HIBCH: variants seen among roughly 807,000 people sequenced by gnomAD.
HIBCH encodes the protein 3-hydroxyisobutyryl-CoA hydrolase, mitochondrial.
Under a neutral mutation model 58.2 loss-of-function variants are expected in HIBCH, and 50 were observed. That is an observed-to-expected ratio of 0.86 (90% CI 0.68 to 1.09). The LOEUF is 1.09. Among genes scored for constraint, HIBCH ranks in the 50% least tolerant of loss-of-function variants. HIBCH has a pLI of 0.00. For missense variants in HIBCH, 450 were observed against 449.7 expected, an observed-to-expected ratio of 1.00 and a Z score of -0.01; for synonymous variants, 151 against 146.9, an observed-to-expected ratio of 1.03 and a Z score of -0.20.
At position 190,224,063 on chromosome 2, in the gene HIBCH, G is replaced by A. The variant is rs189546070; in HGVS notation, c.892-10988C>T. On this transcript the variant is annotated intron_variant, in intron 11 of 13. Transcript: ENST00000359678. ...ATCAGGACACTCCCACCCTAACACT[G>A]CACTTTTCCAACGGTCTTAGCAAAC... is the stretch of plus-strand genomic sequence containing the variant. 6.2e-3 allele frequency among the ~76,000 whole-genome samples: 951 copies of A among 152,290 alleles called. 9 individuals are homozygous for A. Among genetic ancestry groups the A allele is most frequent in the African/African-American group, 0.022 (903 of 41,574 alleles).
chr2:190,268,530 T>G (rs895625707), intron 6 of HIBCH, among the ~76,000 whole-genome samples: 2 of 152,202 alleles, frequency 1.3e-5, no homozygotes, highest in East Asian at 3.8e-4. Context: ...CTTTACTTTT[T>G]AATTAAGAAA....
At chr2:190,256,456 A>AAAT (rs1559037282) in intron 7 of HIBCH, among the ~76,000 whole-genome samples, 3 of 150,818 alleles carry the variant, frequency 2.0e-5, no homozygotes, top group African/African-American at 2.4e-5. Context: ...AAAAAAAAAA[A>AAAT]AATAATAATA....
chr2:190,313,654 AAAAAAAAAAAG>A (rs1194120187), intron 1 of HIBCH, among the ~76,000 whole-genome samples: 2 of 148,264 alleles, frequency 1.3e-5, no homozygotes, highest in East Asian at 2.0e-4. Context: ...AAAAAAAAAA[AAAAAAAAAAAG>A]GAATCACCTG....
At chr2:190,253,562 G>A (rs559602358) in intron 7 of HIBCH, among the ~76,000 whole-genome samples, 3 of 151,996 alleles carry the variant, frequency 2.0e-5, no homozygotes, top group African/African-American at 4.8e-5. Context: ...ACACCTTCTC[G>A]CACCATCCCC....
chr2:190,307,027 T>C (rs372808918), intron 2 of HIBCH, among the ~76,000 whole-genome samples: 12 of 152,194 alleles, frequency 7.9e-5, no homozygotes, highest in African/African-American at 2.9e-4. Context: ...AATTTTGTTT[T>C]TTATAAGCTA....
chr2:190,272,244 T>C (rs1687419575), intron 6 of HIBCH, among the ~76,000 whole-genome samples: 1 of 152,200 alleles, frequency 6.6e-6, no homozygotes, highest in Non-Finnish European at 1.5e-5. Flanking sequence ...TTGTTCACTG[T>C]TTTATCACCA....
chr2:190,246,007 AAGG>A, intron 10 of HIBCH, 144 bp downstream of exon 10: 3 of 556,982 alleles, frequency 5.4e-6, no homozygotes, highest in African/African-American at 1.9e-5. Context: ...AAAAAAAAAA[AAGG>A]AAGGAAAGCT....
intron 11 of HIBCH, among the ~76,000 whole-genome samples, chr2:190,244,354 A>G (rs11894087): frequency 1.1e-3 from 172 of 152,310 alleles, no homozygotes; most frequent in African/African-American, 4.1e-3. Context: ...GTTAACAGTT[A>G]TGTGTCAAAA....
intron 11 of HIBCH, chr2:190,220,249 A>T (rs565016183): frequency 1.3e-5 from 2 of 152,306 alleles, no homozygotes; most frequent in Non-Finnish European, 2.9e-5. Flanking sequence ...GATACTTTTC[A>T]AGTTTATTGT....
chr2:190,199,929 G>C, downstream of HIBCH: 1 of 1,614,122 alleles, frequency 6.2e-7, no homozygotes, highest in Non-Finnish European at 8.5e-7. Context: ...AGCAGCATGA[G>C]AGTGAAGAAC....
intron 1 of HIBCH, among the ~76,000 whole-genome samples, chr2:190,196,101 G>A (rs1689963300): frequency 6.6e-6 from 1 of 151,832 alleles, no homozygotes; most frequent in Non-Finnish European, 1.5e-5. Context: ...TTTTTCACAT[G>A]GAAGGCTTTT....
intron 4 of HIBCH, among the ~76,000 whole-genome samples, chr2:190,294,022 G>GTGTATATATATATATATA (rs755751586): frequency 1.3e-4 from 11 of 83,008 alleles, no homozygotes; most frequent in Non-Finnish European, 2.1e-4. Context: ...TATTTTGTGT[G>GTGTATATATATATATATA]TATATATATA....
In HIBCH at chr2:190,310,746, T is replaced by C. The variant is rs373199454; in HGVS notation, c.78+8A>G. 1.7e-5 allele frequency: 27 copies of C among 1,602,178 alleles called. No homozygotes were observed. In the African/African-American group the frequency reaches 3.3e-4, roughly 20 times the overall value. Reference sequence around the variant, plus strand: ...AATAATGCCAGCAAAACAAACACAATAACTTACCAAATGGTGCAGTATGGT... The same window carrying C: ...AATAATGCCAGCAAAACAAACACAACAACTTACCAAATGGTGCAGTATGGT... On this transcript the variant is annotated splice_region_variant and intron_variant, in intron 2 of 13. Transcript: ENST00000359678.
chr2:190,225,034 G>A (rs1237308831), intron 11 of HIBCH, among the ~76,000 whole-genome samples: 2 of 152,186 alleles, frequency 1.3e-5, no homozygotes, highest in African/African-American at 2.4e-5. Flanking sequence ...GGTACATAAC[G>A]AAATGAAGGC....
At chr2:190,278,400 C>T (rs950592334) in intron 6 of HIBCH, among the ~76,000 whole-genome samples, 32 of 152,206 alleles carry the variant, frequency 2.1e-4, no homozygotes, top group Non-Finnish European at 4.0e-4. Flanking sequence ...GAGGGGATTT[C>T]GCCACGTTGG....
Position 190,261,177 on chromosome 2 carries a change from C to T in HIBCH, c.496G>A (p.Ala166Thr). Residue 166 changes from alanine to threonine, a missense_variant, in exon 7 of 14, where the codon GCT becomes ACT. Transcript: ENST00000359678. The part of the protein sequence containing the change: ...FRVATEKCLF[A>T]MPETAIGLFP... ...TTACCTATTGCAGTTTCTGGCATAG[C>T]AAAAAGACACTTTTCTGTAGCCACT... 2.3e-5 allele frequency: 37 copies of T among 1,596,222 alleles called. No homozygotes were observed. The highest frequency in any genetic ancestry group is 3.2e-5 in the Non-Finnish European group (37 of 1,169,714).
intron 8 of HIBCH, chr2:190,250,395 TGAGA>T (rs1235012980): frequency 6.4e-6 from 3 of 469,934 alleles, no homozygotes; most frequent in Non-Finnish European, 4.4e-6. Flanking sequence ...CTCTGCCAGA[TGAGA>T]GAGATGGTTA....
chr2:190,270,280 T>TAAAAA (rs1553502973), intron 6 of HIBCH, among the ~76,000 whole-genome samples: 2 of 148,252 alleles, frequency 1.3e-5, no homozygotes, highest in African/African-American at 5.0e-5. Flanking sequence ...TTTTTTTTTT[T>TAAAAA]AAAAAAAAAG....
At position 190,207,123 on chromosome 2, in the gene HIBCH, AAAAACAAAAC is replaced by A. The variant is rs903349986; in HGVS notation, c.1045+1747_1045+1756del. ...GGTGACAGAGTGAGACTCCATCTCA[AAAAACAAAAC>A]AAAACAAAAAAAAGTCGTATAATAA... On this transcript the variant is annotated intron_variant, in intron 13 of 13. Coordinates refer to ENST00000359678, the MANE Select transcript of HIBCH (RefSeq NM_014362.4). The surrounding 1 kb of genome is among the most constrained non-coding windows in gnomAD (Gnocchi z 4.5). Among the ~76,000 whole-genome samples, 4 of 152,156 alleles carry A rather than the reference AAAAACAAAAC, an allele frequency of 2.6e-5. No homozygotes were observed. Among genetic ancestry groups the A allele is most frequent in the Non-Finnish European group, 5.9e-5 (4 of 68,032 alleles).
Sources: gnomAD v4.1 joint callset for allele counts (sites outside exome capture counted in the v4.1 genomes callset) on GRCh38, gnomAD v4.1.1 for gene constraint, Gnocchi (gnomAD v3.1) non-coding constraint, MANE v1.5 for transcripts, NCBI Gene and HGNC (gene_info 2026-07-23, HGNC 2026-07-21) for gene names.